The following EIF2D variants were observed in gnomAD, a reference collection of about 807,000 sequenced individuals.
The protein encoded by EIF2D is hepatocellular carcinoma-associated antigen 56.
A neutral mutation model predicts 77.4 loss-of-function variants in EIF2D; 56 were observed. The observed-to-expected ratio is 0.72, with a 90% confidence interval of 0.58 to 0.90. The LOEUF (loss-of-function observed/expected upper bound fraction) is 0.90, where lower values mean the gene tolerates loss of function less well. EIF2D is among the 40% of genes least tolerant of loss of function. The pLI is 0.00. For synonymous variants in EIF2D, 230 were observed against 271.0 expected (o/e 0.85, Z 1.49); for missense variants, 574 against 706.5 (o/e 0.81, Z 2.13).
chr1:206,593,977 C>T, intron 13 of EIF2D, 184 bp from the exon 14 acceptor site: 1 of 510,990 alleles, frequency 2.0e-6, no homozygotes, highest in Non-Finnish European at 3.4e-6. Flanking sequence ...ATTCTGTCTA[C>T]CCCATCCAAT....
intron 2 of EIF2D, 35 bp downstream of exon 2, chr1:206,611,149 T>C: frequency 4.4e-6 from 7 of 1,578,586 alleles, no homozygotes; most frequent in Non-Finnish European, 6.0e-6. Flanking sequence ...AAGAACTACC[T>C]AATGGTAATG....
intron 7 of EIF2D, 65 bp downstream of exon 7, chr1:206,602,270 CT>C: frequency 7.7e-7 from 1 of 1,297,812 alleles, no homozygotes; most frequent in Non-Finnish European, 1.1e-6. Flanking sequence ...CCATCCTGTC[CT>C]ACTACCAAGG....
At chr1:206,597,382 A>G (rs1020360925) in intron 11 of EIF2D, among the ~76,000 whole-genome samples, 187 bp from the exon 12 acceptor site, 32 of 152,246 alleles carry the variant, frequency 2.1e-4, no homozygotes, top group African/African-American at 7.7e-4. Flanking sequence ...TAGGAAAAGC[A>G]GGAGGTGGAA....
chr1:206,583,045 A>C (rs1349789177), intron 2 of EIF2D: 1 of 482,580 alleles, frequency 2.1e-6, no homozygotes, highest in African/African-American at 2.0e-5. Flanking sequence ...GAGGAGACTG[A>C]GGCTTAGAGA....
intron 4 of EIF2D, 75 bp downstream of exon 4, chr1:206,608,161 A>G (rs1284501901): frequency 7.8e-6 from 11 of 1,416,502 alleles, no homozygotes; most frequent in East Asian, 7.1e-5. Flanking sequence ...CATATGCTTT[A>G]TAAGTTGTCA....
chr1:206,583,131 G>A (rs929321035), intron 2 of EIF2D: 26 of 625,116 alleles, frequency 4.2e-5, no homozygotes, highest in South Asian at 1.2e-4. Context: ...GTCTCACTCC[G>A]AGTCCGTGCA....
intron 14 of EIF2D, 109 bp downstream of exon 14, chr1:206,593,510 T>TGTGTGTGTGCGC: frequency 3.4e-6 from 1 of 294,352 alleles, no homozygotes; most frequent in Admixed American, 5.5e-5. Context: ...AGAGAGAGAG[T>TGTGTGTGTGCGC]GTGTGTGTGT....
chr1:206,570,878 C>T (rs147361674), downstream of EIF2D, among the ~76,000 whole-genome samples: 64 of 152,252 alleles, frequency 4.2e-4, no homozygotes, highest in African/African-American at 1.5e-3. Flanking sequence ...AATCGTGCCG[C>T]TGCAAACCTG....
At chr1:206,576,278 T>G (rs1553405184) in intron 4 of EIF2D, among the ~76,000 whole-genome samples, 2 of 152,182 alleles carry the variant, frequency 1.3e-5, no homozygotes, top group Non-Finnish European at 2.9e-5. Context: ...GTGACGATGG[T>G]AATTTGTACT....
chr1:206,605,449 G>A lies in EIF2D; in HGVS notation c.481C>T (p.Leu161=), dbSNP rs1168950753. The change falls in exon 5 of 15, where the codon CTG becomes TTG. Residue 161 remains leucine (L), a synonymous_variant. Coordinates refer to ENST00000271764, the MANE Select transcript of EIF2D (RefSeq NM_006893.3). ...MSTAEMLTSG[L]KGRGFSVLHT... ...AGCACAGAGAAGCCCCTTCCCTTCAGGCCTGACGTGAGCATCTCAGCTGTG... is the reference window on the plus strand; with the variant it reads ...AGCACAGAGAAGCCCCTTCCCTTCAAGCCTGACGTGAGCATCTCAGCTGTG... 5.0e-6 allele frequency: 8 copies of A among 1,614,006 alleles called. No individual in the cohort carries two copies. Among genetic ancestry groups the A allele is most frequent in the Admixed American group, 1.7e-5 (1 of 60,002 alleles).
At position 206,579,994 on chromosome 1, in the gene EIF2D, C is replaced by T. The variant is rs368889869; in HGVS notation, c.*254+698G>A. Among the ~76,000 whole-genome samples, 18 of 152,318 alleles carry T rather than the reference C, an allele frequency of 1.2e-4. No individual in the cohort carries two copies. Among genetic ancestry groups the T allele is most frequent in the African/African-American group, 2.6e-4 (11 of 41,574 alleles). ...TGACATTCGTAGTGTTGGCTACACACGGGGCTCCTGGCACTCCCAGACAGG... is the reference window on the plus strand; with the variant it reads ...TGACATTCGTAGTGTTGGCTACACATGGGGCTCCTGGCACTCCCAGACAGG... On this transcript the variant is annotated intron_variant and NMD_transcript_variant, in intron 4 of 5. Coordinates refer to the EIF2D transcript ENST00000472709. The surrounding 1 kb of genome is among the most constrained non-coding windows in gnomAD (Gnocchi z 4.2).
chr1:206,581,672 G>GGAAAGAAAGAAA (rs139599723), intron 2 of EIF2D, among the ~76,000 whole-genome samples: 2 of 151,288 alleles, frequency 1.3e-5, no homozygotes, highest in African/African-American at 4.9e-5. Context: ...AAGGAAGGAA[G>GGAAAGAAAGAAA]GAAAGAAAGA....
intron 12 of EIF2D, 148 bp downstream of exon 12, chr1:206,596,952 C>T: frequency 1.7e-6 from 1 of 598,366 alleles, no homozygotes; most frequent in Non-Finnish European, 3.0e-6. Context: ...AATCAGAGTT[C>T]CTCAAGCCTG....
chr1:206,574,395 T>C (rs1481824641), intron 4 of EIF2D, among the ~76,000 whole-genome samples: 1 of 152,218 alleles, frequency 6.6e-6, no homozygotes, highest in Non-Finnish European at 1.5e-5. Flanking sequence ...CAAGGTGCCT[T>C]TCACGATCCT....
At chr1:206,609,225 G>T in intron 3 of EIF2D, 151 bp downstream of exon 3, 1 of 703,526 alleles carries the variant, frequency 1.4e-6, no homozygotes, top group Non-Finnish European at 2.4e-6. Flanking sequence ...ATCTTGTGTG[G>T]AACCAGCCAA....
intron 4 of EIF2D, among the ~76,000 whole-genome samples, chr1:206,577,529 A>C (rs1668697989): frequency 6.6e-6 from 1 of 152,190 alleles, no homozygotes; most frequent in African/African-American, 2.4e-5. Flanking sequence ...AGGCTTAGAG[A>C]TTATCTGACT....
rs548575199 is a variant in EIF2D, at chr1:206,612,424, C to A, written c.-82G>T. 1 of 1,576,532 alleles carries A rather than the reference C, an allele frequency of 6.3e-7. No homozygotes were observed. The highest frequency in any genetic ancestry group is 1.3e-5 in the African/African-American group (1 of 74,218). Reference sequence around the variant, plus strand: ...GAGGGCGCAGCAGCTGCCAGGCCCTCAGCCGTGGGGGCAGCCATGCTGGGG... The same window carrying A: ...GAGGGCGCAGCAGCTGCCAGGCCCTAAGCCGTGGGGGCAGCCATGCTGGGG... On this transcript the variant is annotated 5_prime_UTR_variant, in exon 1 of 15. An upstream open reading frame in the 5' UTR gains an earlier in-frame stop. Transcript: ENST00000271764.
At chr1:206,578,212 G>A (rs936000729) in intron 4 of EIF2D, among the ~76,000 whole-genome samples, 2 of 129,472 alleles carry the variant, frequency 1.5e-5, no homozygotes, top group Admixed American at 1.6e-4. Context: ...GGTGACAGAG[G>A]GAGACATCTC....
At chr1:206,577,761 T>C (rs1258082149) in intron 4 of EIF2D, among the ~76,000 whole-genome samples, 1 of 152,220 alleles carries the variant, frequency 6.6e-6, no homozygotes, top group African/African-American at 2.4e-5. Flanking sequence ...ACCTTTTTTG[T>C]CCACTGTAGG....
Sources: allele counts gnomAD v4.1 joint callset (sites outside exome capture counted in the v4.1 genomes callset), GRCh38; gene constraint gnomAD v4.1.1; non-coding constraint Gnocchi (gnomAD v3.1); transcripts MANE v1.5; gene names NCBI Gene and HGNC (gene_info 2026-07-23, HGNC 2026-07-21).